Variants in KCNU1 observed in about 807,000 individuals in gnomAD.
KCNU1 encodes potassium calcium-activated channel subfamily U member 1, also known as potassium channel subfamily U member 1.
In KCNU1, 93 loss-of-function variants were observed where a neutral mutation model predicts 126.8. The observed-to-expected ratio is 0.73, with a 90% CI of 0.62 to 0.87. The LOEUF (loss-of-function observed/expected upper bound fraction) is 0.87. Among genes scored for constraint, KCNU1 ranks in the 40% least tolerant of loss-of-function variants. The pLI, the probability that KCNU1 is intolerant of heterozygous loss-of-function variation, is 0.00. For synonymous variants in KCNU1, 523 were observed against 494.2 expected (o/e 1.06, Z -0.77); for missense variants, 1,330 against 1,367.1 (o/e 0.97, Z 0.43).
chr8:36,935,450 T>G, intron 26 of KCNU1, 65 bp from the exon 27 acceptor site: 1 of 1,316,986 alleles, frequency 7.6e-7, no homozygotes, highest in East Asian at 2.3e-5. Flanking sequence ...TTTATTTGGG[T>G]CACTGCCTGT....
chr8:36,893,128 CTTTTTGTTTT>C (rs1056577024), intron 19 of KCNU1, among the ~76,000 whole-genome samples: 2 of 140,124 alleles, frequency 1.4e-5, no homozygotes, highest in African/African-American at 2.6e-5. Flanking sequence ...TGCCTAGCTA[CTTTTTGTTTT>C]TTTTTGTTTT....
In KCNU1 at chr8:36,851,154, A is replaced by G. The variant is rs529508449; in HGVS notation, c.1891+5255A>G. 9.1e-4 allele frequency among the ~76,000 whole-genome samples: 139 copies of G among 152,286 alleles called. No individual in the cohort carries two copies. The Middle Eastern group carries it at 0.014, about 15-fold the overall frequency. On this transcript the variant is annotated intron_variant, in intron 18 of 26. Coordinates refer to ENST00000399881, the MANE Select transcript of KCNU1 (RefSeq NM_001031836.3). ...TTAACTGTGAGCCTTTTGAATCTATAGATAAATTTTGGAAATATCTTAATT... is the reference window on the plus strand; with the variant it reads ...TTAACTGTGAGCCTTTTGAATCTATGGATAAATTTTGGAAATATCTTAATT...
chr8:36,836,962 C>G lies in KCNU1; in HGVS notation c.1518+17C>G, dbSNP rs80133697. On this transcript the variant is annotated intron_variant, in intron 14 of 26. Transcript: ENST00000399881. ...AACAAAAAGGTAACCTTGTAAATTA[C>G]TGTTGATTCTTGGCTCTGTTCCTAT... 6.2e-7 allele frequency: 1 copy of G among 1,612,844 alleles called. No homozygotes were observed. The highest frequency in any genetic ancestry group is 8.5e-7 in the Non-Finnish European group (1 of 1,179,082).
chr8:36,871,138 A>G (rs1315336582), intron 19 of KCNU1, among the ~76,000 whole-genome samples: 8 of 152,206 alleles, frequency 5.3e-5, no homozygotes, highest in Non-Finnish European at 1.2e-4. Flanking sequence ...TATAGGGATA[A>G]TCTAGAGGTA....
At chr8:36,841,905 A>G in intron 16 of KCNU1, among the ~76,000 whole-genome samples, 1 of 152,184 alleles carries the variant, frequency 6.6e-6, no homozygotes, top group East Asian at 1.9e-4. Context: ...AATGAAATAT[A>G]CATAAACATA....
At chr8:36,858,505 T>C (rs943863068) in intron 18 of KCNU1, among the ~76,000 whole-genome samples, 4 of 152,204 alleles carry the variant, frequency 2.6e-5, no homozygotes, top group African/African-American at 7.2e-5. Context: ...TCCTATTGTA[T>C]GTAAATTTAG....
chr8:36,929,584 A>G (rs1215233428), intron 24 of KCNU1, among the ~76,000 whole-genome samples: 1 of 152,136 alleles, frequency 6.6e-6, no homozygotes, highest in East Asian at 1.9e-4. Context: ...ATCCCAAAGA[A>G]AGAGAAATTT....
chr8:36,926,732 G>C, intron 24 of KCNU1, among the ~76,000 whole-genome samples: 1 of 152,178 alleles, frequency 6.6e-6, no homozygotes, highest in Non-Finnish European at 1.5e-5. Context: ...TTCTGGGTTT[G>C]ACACTTCCAA....
At chr8:36,906,181 C>T (rs201745516) in intron 20 of KCNU1, among the ~76,000 whole-genome samples, 12 of 145,740 alleles carry the variant, frequency 8.2e-5, no homozygotes, top group South Asian at 2.2e-4. Flanking sequence ...ACTCTGCAGT[C>T]TTTTTTTTTT....
Position 36,922,628 on chromosome 8 carries a change from C to G in KCNU1, c.2735C>G (p.Thr912Arg). The G allele has an allele frequency of 6.2e-7, 1 of 1,612,214 alleles. No homozygotes were observed. Among genetic ancestry groups the G allele is most frequent in the Non-Finnish European group, 8.5e-7 (1 of 1,179,148 alleles). Residue 912 changes from threonine to arginine, a missense_variant and splice_region_variant, in exon 24 of 27, where the codon ACG becomes AGG. This residue lies in a region of KCNU1 where 1,054 missense variants were observed against 1,053.9 expected (regional missense o/e 1.00). Transcript: ENST00000399881. ...SGSFLDSLLA[T>R]AFYNYHVLEL... ...AGCTTCTTGGATTCTCTGCTGGCCACGGTAAGAAAAGCTAAGCCATGGAGC... is the reference window on the plus strand; with the variant it reads ...AGCTTCTTGGATTCTCTGCTGGCCAGGGTAAGAAAAGCTAAGCCATGGAGC...
chr8:36,902,760 G>A (rs1474427037), intron 19 of KCNU1, among the ~76,000 whole-genome samples: 3 of 152,106 alleles, frequency 2.0e-5, no homozygotes, highest in Non-Finnish European at 4.4e-5. Context: ...GCTTGCTGGT[G>A]AGTCCCATTA....
chr8:36,804,194 T>G (rs978499402), intron 3 of KCNU1, 106 bp downstream of exon 3: 1 of 735,790 alleles, frequency 1.4e-6, no homozygotes, highest in Middle Eastern at 2.3e-4. Context: ...CACACACACA[T>G]GCACGCACAC....
chr8:36,845,760 A>G (rs758375094), intron 17 of KCNU1, 42 bp from the exon 18 acceptor site: 2 of 1,507,694 alleles, frequency 1.3e-6, no homozygotes, highest in South Asian at 2.3e-5. Context: ...CCTTTGCATT[A>G]AGACTCACAT....
rs765128980 is a variant in KCNU1, at chr8:36,805,219, T to C, written c.402T>C (p.Tyr134=). The change falls in exon 4 of 27, where the codon TAT becomes TAC. Residue 134 remains tyrosine (Y), a synonymous_variant. Transcript: ENST00000399881. ...SADPVGSCSS[Y]EDKTIPIDLV... Reference sequence around the variant, plus strand: ...GCCCTGTTGGAAGCTGTTCATCATATGAAGACAAAACCATTCCTATTGATT... The same window carrying C: ...GCCCTGTTGGAAGCTGTTCATCATACGAAGACAAAACCATTCCTATTGATT... 1.9e-6 allele frequency: 3 copies of C among 1,610,726 alleles called. No individual in the cohort carries two copies. The highest frequency in any genetic ancestry group is 4.5e-5 in the East Asian group (2 of 44,780).
At chr8:36,898,495 A>G (rs773398491) in intron 19 of KCNU1, among the ~76,000 whole-genome samples, 1 of 151,954 alleles carries the variant, frequency 6.6e-6, no homozygotes, top group Non-Finnish European at 1.5e-5. Context: ...TGGGAAGTGG[A>G]TCAATACAAT....
chr8:36,816,832 G>A (rs866633991), intron 9 of KCNU1, among the ~76,000 whole-genome samples: 2 of 151,794 alleles, frequency 1.3e-5, no homozygotes, highest in South Asian at 2.1e-4. Flanking sequence ...CTAGATATTC[G>A]TAAATGTGGA....
chr8:36,824,317 G>A (rs1337623704), intron 10 of KCNU1, among the ~76,000 whole-genome samples: 2 of 152,084 alleles, frequency 1.3e-5, no homozygotes, highest in Non-Finnish European at 2.9e-5. Context: ...CTAAAACTTA[G>A]TGAGTACAGT....
intron 19 of KCNU1, among the ~76,000 whole-genome samples, chr8:36,887,271 TAGA>T (rs1325475883): frequency 6.6e-6 from 1 of 152,160 alleles, no homozygotes; most frequent in Non-Finnish European, 1.5e-5. Flanking sequence ...ACCAACCGTG[TAGA>T]AGCATTCCCT....
rs151084832 is a variant in KCNU1, at chr8:36,898,554, C to T, written c.2010-7154C>T. On this transcript the variant is annotated intron_variant, in intron 19 of 26. Coordinates refer to ENST00000399881, the MANE Select transcript of KCNU1 (RefSeq NM_001031836.3). Reference sequence around the variant, plus strand: ...ATCTCATGCTCCGATTCCCCATCTCCATACCCCACCAAAAAGGAAAAAAGA... The same window carrying T: ...ATCTCATGCTCCGATTCCCCATCTCTATACCCCACCAAAAAGGAAAAAAGA... Among the ~76,000 whole-genome samples the T allele has an allele frequency of 1.8e-3, 276 of 151,760 alleles. 1 individual carries two copies. The highest frequency in any genetic ancestry group is 6.1e-3 in the African/African-American group (253 of 41,310).
Sources: gnomAD v4.1 joint callset for allele counts (sites outside exome capture counted in the v4.1 genomes callset) on GRCh38, gnomAD v4.1.1 for gene constraint, gnomAD v4.1.1 regional missense constraint, MANE v1.5 for transcripts, NCBI Gene and HGNC (gene_info 2026-07-23, HGNC 2026-07-21) for gene names.